The following SYDE2 variants were observed in gnomAD, a reference collection of about 807,000 sequenced individuals.
SYDE2 encodes synapse defective Rho GTPase homolog 2, also known as rho GTPase-activating protein SYDE2.
In SYDE2, 76 loss-of-function variants were observed where a neutral mutation model predicts 91.5. That is an observed-to-expected ratio of 0.83 (90% CI 0.69 to 1.01). SYDE2 has a LOEUF of 1.01. Among genes scored for constraint, SYDE2 ranks in the 50% least tolerant of loss-of-function variants. The pLI is 0.00. For synonymous variants in SYDE2, 513 were observed against 506.4 expected, an observed-to-expected ratio of 1.01 and a Z score of -0.18; for missense variants, 1,364 against 1,367.7, an observed-to-expected ratio of 1.00 and a Z score of 0.04.
chr1:85,158,509 G>T lies in SYDE2; in HGVS notation c.*241C>A, dbSNP rs1418212231. ...TTTGAAAGTTATCTCCATAGAGTTG[G>T]CAAGATTTAGTAAAATATCCCAAGA... On this transcript the variant is annotated 3_prime_UTR_variant, in exon 7 of 7. Coordinates refer to ENST00000341460, the MANE Select transcript of SYDE2 (RefSeq NM_032184.2). 7 of 414,926 alleles carry T rather than the reference G, an allele frequency of 1.7e-5. No individual in the cohort carries two copies. The highest frequency in any genetic ancestry group is 2.5e-5 in the Non-Finnish European group (6 of 239,100). The allele number at this position is 414,926 out of a possible 1,614,324, so 25.7% of individuals were successfully genotyped here.
chr1:85,182,399 C>A lies in SYDE2; in HGVS notation c.2243G>T (p.Ser748Ile). The A allele has an allele frequency of 1.2e-6, 2 of 1,613,770 alleles. No homozygotes were observed. Among genetic ancestry groups the A allele is most frequent in the Non-Finnish European group, 1.7e-6 (2 of 1,179,786 alleles). The change falls in exon 3 of 7, where the codon AGT (serine) becomes ATT (isoleucine). Residue 748 changes from serine to isoleucine, a missense_variant. By Grantham distance (142) the Ser-to-Ile change is moderately radical. Coordinates refer to ENST00000341460, the MANE Select transcript of SYDE2 (RefSeq NM_032184.2). ...ATTTTTTCTTGGAGTGGGTTCCCAA[C>A]TGAATACTACTAGTTTCAAATGTTG... ...NAQHLKLVVF[S>I]WEPTPRKNRV...
intron 4 of SYDE2, among the ~76,000 whole-genome samples, chr1:85,173,261 T>C (rs149734649): frequency 5.5e-4 from 83 of 151,954 alleles, no homozygotes; most frequent in Middle Eastern, 3.4e-3. Flanking sequence ...CATGTGAAGA[T>C]AGAGTATTGG....
At chr1:85,185,050 T>C (rs552585840) in intron 2 of SYDE2, among the ~76,000 whole-genome samples, 3 of 151,766 alleles carry the variant, frequency 2.0e-5, no homozygotes, top group African/African-American at 4.8e-5. Context: ...TGCTAAGAAA[T>C]AGATCACTTT....
chr1:85,198,153 T>G (rs1364230943), intron 1 of SYDE2, among the ~76,000 whole-genome samples: 2 of 152,170 alleles, frequency 1.3e-5, no homozygotes, highest in Non-Finnish European at 2.9e-5. Flanking sequence ...GGGGCTTTTT[T>G]CAAACTCATG....
downstream of SYDE2, among the ~76,000 whole-genome samples, chr1:85,155,455 A>G (rs939503295): frequency 2.0e-5 from 3 of 152,192 alleles, no homozygotes; most frequent in Admixed American, 6.5e-5. Flanking sequence ...TCCTGGCAAC[A>G]TAACAATACC....
rs956709831 is a variant in SYDE2, at chr1:85,164,763, T to G, written c.2854-6A>C. The G allele has an allele frequency of 3.0e-6, 4 of 1,326,310 alleles. No homozygotes were observed. The highest frequency in any genetic ancestry group is 1.9e-4 in the Middle Eastern group (1 of 5,156). 82.2% of individuals were successfully genotyped at this position (1,326,310 alleles called of 1,614,324 possible). ...AACAACATCTTTAGGGTTGCCTAAATTAAATTAAATTTCAATTAATATAGT... is the reference window on the plus strand; with the variant it reads ...AACAACATCTTTAGGGTTGCCTAAAGTAAATTAAATTTCAATTAATATAGT... On this transcript the variant is annotated splice_region_variant and splice_polypyrimidine_tract_variant and intron_variant, in intron 5 of 6. Transcript: ENST00000341460.
rs1176857667 is a variant in SYDE2, at chr1:85,163,455, A to C, written c.3085+1071T>G. Among the ~76,000 whole-genome samples the C allele has an allele frequency of 1.1e-4, 13 of 117,520 alleles. 1 individual carries two copies. The highest frequency in any genetic ancestry group is 4.7e-4 in the South Asian group (2 of 4,248). The allele number at this position is 117,520 out of a possible 152,430, so 77.1% of individuals were successfully genotyped here. On this transcript the variant is annotated intron_variant, in intron 6 of 6. Coordinates refer to ENST00000341460, the MANE Select transcript of SYDE2 (RefSeq NM_032184.2). ...CTCTTGTACTTTAATCTATATATAT[A>C]TATATATATATATATATATATATAT... is the stretch of plus-strand genomic sequence containing the variant.
At chr1:85,163,296 C>CG (rs1264258962) in intron 6 of SYDE2, among the ~76,000 whole-genome samples, 26 of 151,138 alleles carry the variant, frequency 1.7e-4, no homozygotes, top group African/African-American at 6.3e-4. Context: ...TTAATGGAGG[C>CG]GGGGTTTCAC....
chr1:85,160,121 C>T, intron 6 of SYDE2: 1 of 984,276 alleles, frequency 1.0e-6, no homozygotes, highest in Non-Finnish European at 1.2e-6. Context: ...TAAAGATTAC[C>T]CATAATATCT....
intron 2 of SYDE2, among the ~76,000 whole-genome samples, chr1:85,189,409 TG>T (rs1260227885): frequency 2.6e-5 from 4 of 152,114 alleles, no homozygotes; most frequent in African/African-American, 7.2e-5. Context: ...CCAGGCCAGG[TG>T]TGAATGAATG....
chr1:85,193,535 C>T (rs1231385574), intron 1 of SYDE2, among the ~76,000 whole-genome samples: 1 of 152,122 alleles, frequency 6.6e-6, no homozygotes, highest in Non-Finnish European at 1.5e-5. Flanking sequence ...CAAGGAACTA[C>T]AGTGAGAAAA....
At chr1:85,190,927 A>G (rs528661246) in intron 1 of SYDE2, among the ~76,000 whole-genome samples, 175 bp from the exon 2 acceptor site, 3 of 152,306 alleles carry the variant, frequency 2.0e-5, no homozygotes, top group African/African-American at 7.2e-5. Context: ...TATGATTTAT[A>G]TTATTTAGAA....
chr1:85,177,878 T>G (rs1657762643), intron 4 of SYDE2, among the ~76,000 whole-genome samples: 1 of 152,136 alleles, frequency 6.6e-6, no homozygotes, highest in Non-Finnish European at 1.5e-5. Flanking sequence ...TATTTATCCC[T>G]CTATGAAGGT....
At chr1:85,180,058 C>T (rs1324109547) in intron 3 of SYDE2, among the ~76,000 whole-genome samples, 6 of 152,136 alleles carry the variant, frequency 3.9e-5, no homozygotes, top group South Asian at 2.1e-4. Context: ...AGTACATGCT[C>T]GATGCCTCTA....
In SYDE2 at chr1:85,200,560, C is replaced by CCTGGAGG; in HGVS notation, c.430_436dup (p.Gly146AlafsTer90). 1.2e-6 allele frequency: 2 copies of CCTGGAGG among 1,606,624 alleles called. No individual in the cohort carries two copies. Among genetic ancestry groups the CCTGGAGG allele is most frequent in the East Asian group, 2.2e-5 (1 of 44,760 alleles). ...CGAGGAGCAGCCGTGGTCCTTGCAG[C>CCTGGAGG]CTGGAGGCTGGAGGCCGGTGGGTGC... is the stretch of plus-strand genomic sequence containing the variant. On this transcript the variant is annotated frameshift_variant, in exon 1 of 7. Transcript: ENST00000341460. LOFTEE classifies it high-confidence loss of function.
chr1:85,158,745 C>T lies in SYDE2; in HGVS notation c.*5G>A, dbSNP rs769855730. Reference sequence around the variant, plus strand: ...TTAAGACATTACAAAAAAAAACCCTCAATCTCAAAAACTCATATTAAGCTT... The same window carrying T: ...TTAAGACATTACAAAAAAAAACCCTTAATCTCAAAAACTCATATTAAGCTT... On this transcript the variant is annotated 3_prime_UTR_variant, in exon 7 of 7. Transcript: ENST00000341460. The T allele has an allele frequency of 1.3e-5, 9 of 717,050 alleles. No homozygotes were observed. In the South Asian group the frequency reaches 1.4e-4, roughly 11 times the overall value. The allele number at this position is 717,050 out of a possible 1,614,324, so 44.4% of individuals were successfully genotyped here.
At chr1:85,185,615 G>A (rs1404035083) in intron 2 of SYDE2, among the ~76,000 whole-genome samples, 3 of 152,188 alleles carry the variant, frequency 2.0e-5, no homozygotes, top group Non-Finnish European at 4.4e-5. Context: ...TGTTATTGGT[G>A]TATAAGAATG....
Position 85,195,516 on chromosome 1 carries a change from A to G in SYDE2, c.745+4736T>C, listed in dbSNP as rs1339473849. Among the ~76,000 whole-genome samples, 8 of 152,246 alleles carry G rather than the reference A, an allele frequency of 5.3e-5. No individual in the cohort carries two copies. The East Asian group carries it at 1.5e-3, about 29-fold the overall frequency. On this transcript the variant is annotated intron_variant, in intron 1 of 6. Transcript: ENST00000341460. ...GGAGGAGAGGGATGGAATGAAAAGG[A>G]AAGAAGCACCTTTTTTATTTTCATT...
chr1:85,164,560 A>G lies in SYDE2; in HGVS notation c.3051T>C (p.Ile1017=), dbSNP rs1419193963. ...GTTGGAGTAAGTAATGAAGAACTTCAATGTGTTTTTTAAAATCCAAAGCAC... is the reference window on the plus strand; with the variant it reads ...GTTGGAGTAAGTAATGAAGAACTTCGATGTGTTTTTTAAAATCCAAAGCAC... ...LASALDFKKH[I]EVLHYLLQLW... Residue 1017 remains isoleucine (I), a synonymous_variant, in exon 6 of 7, where the codon ATT becomes ATC. Transcript: ENST00000341460. 1.2e-6 allele frequency: 2 copies of G among 1,605,272 alleles called. No individual in the cohort carries two copies.
Sources: allele counts gnomAD v4.1 joint callset (sites outside exome capture counted in the v4.1 genomes callset), GRCh38; gene constraint gnomAD v4.1.1; transcripts MANE v1.5; gene names NCBI Gene and HGNC (gene_info 2026-07-23, HGNC 2026-07-21).